Variants in MAP2K5 observed in about 807,000 individuals in gnomAD.
MAP2K5 encodes the protein dual specificity mitogen-activated protein kinase kinase 5.
Under a neutral mutation model 83.1 loss-of-function variants are expected in MAP2K5, and 49 were observed. The observed-to-expected ratio is 0.59, with a 90% confidence interval of 0.47 to 0.75. The LOEUF (loss-of-function observed/expected upper bound fraction) is 0.75, where lower values mean the gene tolerates loss of function less well. Ranked by LOEUF, MAP2K5 falls within the 30% of genes least tolerant of loss-of-function variation. The probability of loss-of-function intolerance (pLI) is 0.00; values close to 1 mark genes in which losing one functional copy is unlikely to be tolerated. For synonymous variants in MAP2K5, 202 were observed against 191.8 expected, an observed-to-expected ratio of 1.05 and a Z score of -0.44; for missense variants, 457 against 557.5, an observed-to-expected ratio of 0.82 and a Z score of 1.82.
chr15:67,580,915 TG>T, intron 4 of MAP2K5, 92 bp downstream of exon 4: 3 of 850,412 alleles, frequency 3.5e-6, no homozygotes, highest in Middle Eastern at 3.2e-4. Context: ...GCACATAACA[TG>T]ATGTTTAGCT....
intron 8 of MAP2K5, among the ~76,000 whole-genome samples, chr15:67,603,642 T>A (rs1358926515): frequency 6.6e-6 from 1 of 152,200 alleles, no homozygotes; most frequent in Non-Finnish European, 1.5e-5. Context: ...GGCTTCAGCT[T>A]GTATTATTGT....
intron 19 of MAP2K5, among the ~76,000 whole-genome samples, chr15:67,765,983 C>A (rs1400394041): frequency 6.6e-6 from 1 of 152,186 alleles, no homozygotes; most frequent in Non-Finnish European, 1.5e-5. Context: ...AAGGCAAAGG[C>A]ATCACTCAAA....
At chr15:67,546,684 G>T in intron 1 of MAP2K5, 2 of 877,124 alleles carry the variant, frequency 2.3e-6, no homozygotes, top group Non-Finnish European at 2.7e-6. Context: ...AAGAGGTCTG[G>T]TTAGTGTGTG....
chr15:67,588,095 C>T, intron 6 of MAP2K5: 1 of 985,424 alleles, frequency 1.0e-6, no homozygotes, highest in Non-Finnish European at 1.2e-6. Flanking sequence ...CTTCACTGCT[C>T]TTCATGCTTT....
At chr15:67,742,931 G>T (rs948916625) in intron 17 of MAP2K5, among the ~76,000 whole-genome samples, 5 of 152,128 alleles carry the variant, frequency 3.3e-5, no homozygotes, top group Non-Finnish European at 5.9e-5. Context: ...GGCAGACCCA[G>T]CAAATGAATA....
chr15:67,666,406 A>G (rs1259234777), intron 13 of MAP2K5, among the ~76,000 whole-genome samples: 1 of 151,994 alleles, frequency 6.6e-6, no homozygotes, highest in Non-Finnish European at 1.5e-5. Context: ...TGGGTTTGGG[A>G]GAAATAACTA....
chr15:67,649,917 T>C (rs2086914094), intron 11 of MAP2K5, among the ~76,000 whole-genome samples: 1 of 152,220 alleles, frequency 6.6e-6, no homozygotes, highest in African/African-American at 2.4e-5. Context: ...TTGAATTGAA[T>C]TTTTAGATCA....
At chr15:67,547,052 G>A (rs768832067) in intron 1 of MAP2K5, among the ~76,000 whole-genome samples, 2 of 139,076 alleles carry the variant, frequency 1.4e-5, no homozygotes, top group South Asian at 2.3e-4. Flanking sequence ...GTCACAGAGC[G>A]AGACCCTATC....
intron 3 of MAP2K5, among the ~76,000 whole-genome samples, chr15:67,579,331 A>G (rs1440878295): frequency 6.6e-6 from 1 of 152,214 alleles, no homozygotes; most frequent in Non-Finnish European, 1.5e-5. Context: ...TGCTGTCCCA[A>G]AAGGTTGACA....
At chr15:67,590,654 T>G (rs533453292) in intron 6 of MAP2K5, among the ~76,000 whole-genome samples, 2 of 152,112 alleles carry the variant, frequency 1.3e-5, no homozygotes, top group Admixed American at 1.3e-4. Flanking sequence ...GGCCCTACTA[T>G]GTTGCCCAGG....
At chr15:67,642,050 C>G (rs897587116) in intron 9 of MAP2K5, among the ~76,000 whole-genome samples, 23 of 152,172 alleles carry the variant, frequency 1.5e-4, no homozygotes, top group African/African-American at 5.1e-4. Context: ...GGAATCTCCT[C>G]TATTCTAGAC....
chr15:67,679,168 G>A (rs988812067), intron 13 of MAP2K5, among the ~76,000 whole-genome samples: 7 of 152,172 alleles, frequency 4.6e-5, no homozygotes, highest in South Asian at 2.1e-4. Flanking sequence ...CTGGGCAGTG[G>A]GCGGAGGAGC....
intron 8 of MAP2K5, among the ~76,000 whole-genome samples, chr15:67,608,615 T>C (rs905498973): frequency 2.6e-5 from 4 of 152,160 alleles, no homozygotes; most frequent in African/African-American, 9.7e-5. Context: ...GGAACTGGCA[T>C]TTGAGCTGAG....
chr15:67,583,508 T>G (rs1414814671), intron 4 of MAP2K5, among the ~76,000 whole-genome samples: 2 of 152,144 alleles, frequency 1.3e-5, no homozygotes, highest in African/African-American at 4.8e-5. Context: ...TTGTTTCTAG[T>G]TTTTGGTAGT....
rs916436079 is a variant in MAP2K5, at chr15:67,561,675, A to G, written c.185-1608A>G. Among the ~76,000 whole-genome samples, 4 of 152,162 alleles carry G rather than the reference A, an allele frequency of 2.6e-5. No homozygotes were observed. The highest frequency in any genetic ancestry group is 5.9e-5 in the Non-Finnish European group (4 of 68,024). On this transcript the variant is annotated intron_variant, in intron 2 of 21. Coordinates refer to ENST00000178640, the MANE Select transcript of MAP2K5 (RefSeq NM_145160.3). The surrounding 1 kb of genome is among the most constrained non-coding windows in gnomAD (Gnocchi z 4.2). The stretch of plus-strand genomic sequence containing the variant: ...CAAGTGCTTGGAAAGAGTGAGAGCT[A>G]TGGGTCACTGAACAGGACTGGTCCA...
chr15:67,746,386 A>T lies in MAP2K5; in HGVS notation c.1075-1845A>T, dbSNP rs1352159801. Among the ~76,000 whole-genome samples, 2 of 152,158 alleles carry T rather than the reference A, an allele frequency of 1.3e-5. No individual in the cohort carries two copies. Among genetic ancestry groups the T allele is most frequent in the Non-Finnish European group, 2.9e-5 (2 of 68,028 alleles). ...GATTTCTGATTCTTTATTCATTACA[A>T]ATAACTCCGTTGTTGAAGCAGATAT... On this transcript the variant is annotated intron_variant, in intron 17 of 21. Coordinates refer to ENST00000178640, the MANE Select transcript of MAP2K5 (RefSeq NM_145160.3). This position sits in a 1 kb window ranked among gnomAD's most constrained non-coding sequence, Gnocchi z 4.1.
At chr15:67,551,063 C>T (rs886386683) in intron 2 of MAP2K5, among the ~76,000 whole-genome samples, 3 of 152,166 alleles carry the variant, frequency 2.0e-5, no homozygotes, top group African/African-American at 7.2e-5. Flanking sequence ...TGAGCCACTG[C>T]ACCTGGCCAG....
At chr15:67,612,460 G>A (rs1359744448) in intron 8 of MAP2K5, among the ~76,000 whole-genome samples, 1 of 152,096 alleles carries the variant, frequency 6.6e-6, no homozygotes, top group Non-Finnish European at 1.5e-5. Context: ...TCCTTCTGTT[G>A]TCCAGAACAT....
Position 67,722,847 on chromosome 15 carries a change from G to A in MAP2K5, c.1045-5069G>A, listed in dbSNP as rs780982311. On this transcript the variant is annotated intron_variant, in intron 16 of 21. Coordinates refer to ENST00000178640, the MANE Select transcript of MAP2K5 (RefSeq NM_145160.3). The surrounding 1 kb of genome is among the most constrained non-coding windows in gnomAD (Gnocchi z 4.2). ...TTTAATTGTGTAAAATGTACACAAG[G>A]TAATTAAGAACAAATTTTAGAACAT... Among the ~76,000 whole-genome samples, 1 of 152,118 alleles carries A rather than the reference G, an allele frequency of 6.6e-6. No individual in the cohort carries two copies. The highest frequency in any genetic ancestry group is 1.5e-5 in the Non-Finnish European group (1 of 68,028).
Sources: allele counts gnomAD v4.1 joint callset (sites outside exome capture counted in the v4.1 genomes callset), GRCh38; gene constraint gnomAD v4.1.1; non-coding constraint Gnocchi (gnomAD v3.1); transcripts MANE v1.5; gene names NCBI Gene and HGNC (gene_info 2026-07-23, HGNC 2026-07-21).